The following COL19A1 variants were observed in gnomAD, a reference collection of about 807,000 sequenced individuals.
COL19A1 encodes the protein collagen alpha-1(XIX) chain.
Under a neutral mutation model 190.2 loss-of-function variants are expected in COL19A1, and 159 were observed. That is an observed-to-expected ratio of 0.84 (90% confidence interval 0.73 to 0.95). The LOEUF (loss-of-function observed/expected upper bound fraction) is 0.95, where lower values mean the gene tolerates loss of function less well. Ranked by LOEUF, COL19A1 falls within the 40% of genes least tolerant of loss-of-function variation. The pLI is 0.00. For missense variants in COL19A1, 1,418 were observed against 1,431.9 expected, an observed-to-expected ratio of 0.99 and a Z score of 0.16; for synonymous variants, 509 against 458.9, an observed-to-expected ratio of 1.11 and a Z score of -1.39.
At position 70,118,347 on chromosome 6, in the gene COL19A1, C is replaced by T. The variant is rs559576093; in HGVS notation, c.1279-3533C>T. ...CTTATAGCTTATTAATGACCACTAT[C>T]TTTGACAGTGTTAGAGCAACCAAGT... On this transcript the variant is annotated intron_variant, in intron 16 of 50. Transcript: ENST00000620364. Among the ~76,000 whole-genome samples, 10 of 152,326 alleles carry T rather than the reference C, an allele frequency of 6.6e-5. No individual in the cohort carries two copies. The South Asian group carries it at 1.9e-3, about 28-fold the overall frequency.
At chr6:70,161,670 A>G (rs192978296) in intron 34 of COL19A1, among the ~76,000 whole-genome samples, 1 of 152,182 alleles carries the variant, frequency 6.6e-6, no homozygotes, top group African/African-American at 2.4e-5. Flanking sequence ...AGACTTCACC[A>G]TTATACAATT....
In COL19A1 at chr6:70,163,405, GA is replaced by G. The variant is rs779286929; in HGVS notation, c.2400+13del. ...GAGCAAAAGGTGAAAAGGTACAAAG[GA>G]AAAGCCTCACTTACCATCCAAACTG... On this transcript the variant is annotated intron_variant, in intron 36 of 50. Transcript: ENST00000620364. 61 of 1,609,546 alleles carry G rather than the reference GA, an allele frequency of 3.8e-5. No individual in the cohort carries two copies. Among genetic ancestry groups the G allele is most frequent in the Non-Finnish European group, 4.8e-5 (56 of 1,177,664 alleles).
intron 4 of COL19A1, among the ~76,000 whole-genome samples, chr6:69,911,560 A>G (rs1171707475): frequency 2.0e-5 from 3 of 152,236 alleles, no homozygotes; most frequent in Admixed American, 2.0e-4. Context: ...ATGCAGAATT[A>G]ACATCTGGCT....
intron 2 of COL19A1, among the ~76,000 whole-genome samples, chr6:69,893,587 A>T (rs946730598): frequency 3.3e-5 from 5 of 152,194 alleles, no homozygotes; most frequent in Admixed American, 6.5e-5. Context: ...TTCCAATCTG[A>T]CTGTGGCATA....
intron 40 of COL19A1, among the ~76,000 whole-genome samples, chr6:70,170,410 A>G (rs1421012010): frequency 1.3e-5 from 2 of 152,152 alleles, no homozygotes; most frequent in Non-Finnish European, 2.9e-5. Flanking sequence ...ATGACAATAG[A>G]CCTGCCTCAC....
At chr6:70,034,671 C>T (rs6930775) in intron 13 of COL19A1, among the ~76,000 whole-genome samples, 1 of 152,142 alleles carries the variant, frequency 6.6e-6, no homozygotes, top group African/African-American at 2.4e-5. Flanking sequence ...AGTTTTGTAT[C>T]TCAGTCTTAA....
At chr6:70,188,353 C>T in intron 47 of COL19A1, 108 bp downstream of exon 47, 1 of 1,326,176 alleles carries the variant, frequency 7.5e-7, no homozygotes, top group Non-Finnish European at 1.0e-6. Flanking sequence ...CAAACCTAAA[C>T]TGGTCCCCGT....
At chr6:70,113,698 C>A (rs1421289761) in intron 16 of COL19A1, among the ~76,000 whole-genome samples, 11 of 152,080 alleles carry the variant, frequency 7.2e-5, no homozygotes, top group Admixed American at 2.6e-4. Context: ...TAACTCTGAT[C>A]TTTCTTTCTC....
At chr6:70,177,005 C>G (rs1765852767) in intron 42 of COL19A1, among the ~76,000 whole-genome samples, 1 of 152,186 alleles carries the variant, frequency 6.6e-6, no homozygotes, top group Non-Finnish European at 1.5e-5. Context: ...ATTAGCAGAG[C>G]TTTATTGCTG....
At chr6:69,959,928 G>C in intron 9 of COL19A1, 68 bp from the exon 10 acceptor site, 1 of 1,457,116 alleles carries the variant, frequency 6.9e-7, no homozygotes, top group Non-Finnish European at 9.5e-7. Flanking sequence ...ATTTGTTAAA[G>C]ACCACAAAAA....
In COL19A1 at chr6:70,029,479, C is replaced by T. The variant is rs62420129; in HGVS notation, c.1081-4766C>T. ...GATTGAAAACCTTCATAACAGATAC[C>T]GATCTTACTCAATATTTAATTCAGA... is the stretch of plus-strand genomic sequence containing the variant. On this transcript the variant is annotated intron_variant, in intron 12 of 50. Transcript: ENST00000620364. 3.4e-3 allele frequency among the ~76,000 whole-genome samples: 523 copies of T among 152,154 alleles called. 1 individual carries two copies. Among genetic ancestry groups the T allele is most frequent in the Middle Eastern group, 6.8e-3 (2 of 294 alleles).
intron 9 of COL19A1, among the ~76,000 whole-genome samples, chr6:69,946,705 A>G (rs1359652290): frequency 6.6e-6 from 1 of 151,874 alleles, no homozygotes; most frequent in African/African-American, 2.4e-5. Context: ...GCATTTCTGT[A>G]TTTTAGGGTG....
intron 4 of COL19A1, among the ~76,000 whole-genome samples, chr6:69,919,275 C>T (rs923265537): frequency 6.6e-6 from 1 of 151,992 alleles, no homozygotes; most frequent in African/African-American, 2.4e-5. Flanking sequence ...AATGTGTGAC[C>T]GACTTTTTGG....
At chr6:69,901,913 C>T (rs189588996) in intron 4 of COL19A1, among the ~76,000 whole-genome samples, 5 of 152,312 alleles carry the variant, frequency 3.3e-5, no homozygotes, top group African/African-American at 9.6e-5. Flanking sequence ...CACTGGAAAA[C>T]TTGCTGCGAC....
intron 28 of COL19A1, 55 bp from the exon 29 acceptor site, chr6:70,149,796 A>G (rs1786923386): frequency 6.2e-7 from 1 of 1,613,510 alleles, no homozygotes; most frequent in Non-Finnish European, 8.5e-7. Context: ...ACTTGGGGGA[A>G]ATGACTGAAA....
rs553438410 is a variant in COL19A1, at chr6:70,027,961, G to C, written c.1080+4281G>C. Among the ~76,000 whole-genome samples, 10 of 152,118 alleles carry C rather than the reference G, an allele frequency of 6.6e-5. No homozygotes were observed. The East Asian group carries it at 1.9e-3, about 29-fold the overall frequency. Reference sequence around the variant, plus strand: ...AATTACTTAGCCTCTCTGTGCCTCAGTTTCTTTATTTGCACCATGGAATGA... The same window carrying C: ...AATTACTTAGCCTCTCTGTGCCTCACTTTCTTTATTTGCACCATGGAATGA... On this transcript the variant is annotated intron_variant, in intron 12 of 50. Transcript: ENST00000620364.
intron 11 of COL19A1, among the ~76,000 whole-genome samples, chr6:70,005,941 A>C (rs1777593213): frequency 6.6e-6 from 1 of 152,178 alleles, no homozygotes; most frequent in Admixed American, 6.5e-5. Flanking sequence ...CTCTGGCTGC[A>C]GTCTGCCACA....
intron 11 of COL19A1, among the ~76,000 whole-genome samples, chr6:69,989,430 T>A (rs74541013): frequency 0.083 from 12,706 of 152,200 alleles, 595 homozygotes; most frequent in East Asian, 0.2. Flanking sequence ...ACTTTTCCCT[T>A]GTTCTAGAAT....
intron 2 of COL19A1, among the ~76,000 whole-genome samples, chr6:69,888,940 G>A (rs996019118): frequency 5.3e-5 from 8 of 152,064 alleles, no homozygotes; most frequent in Non-Finnish European, 1.2e-4. Flanking sequence ...AGATGTATTG[G>A]CAAAGTAGGA....
Sources: allele counts gnomAD v4.1 joint callset (sites outside exome capture counted in the v4.1 genomes callset), GRCh38; gene constraint gnomAD v4.1.1; transcripts MANE v1.5; gene names NCBI Gene and HGNC (gene_info 2026-07-23, HGNC 2026-07-21).